Variants in FGD4 observed in about 807,000 individuals in gnomAD.
FGD4 encodes the protein FYVE, RhoGEF and PH domain containing 4.
A neutral mutation model predicts 102.0 loss-of-function variants in FGD4; 42 were observed. The ratio of observed to expected loss-of-function variants is 0.41; its 90% CI spans 0.32 to 0.53. The LOEUF (loss-of-function observed/expected upper bound fraction) is 0.53, where lower values mean the gene tolerates loss of function less well. Among genes scored for constraint, FGD4 ranks in the 20% least tolerant of loss-of-function variants. FGD4 has a pLI of 0.21. For synonymous variants in FGD4, 380 were observed against 375.7 expected (o/e 1.01, Z -0.13); for missense variants, 902 against 1,078.2 (o/e 0.84, Z 2.29).
intron 1 of FGD4, among the ~76,000 whole-genome samples, chr12:32,525,792 A>G (rs374104297): frequency 0.022 from 3,416 of 152,334 alleles, 74 homozygotes; most frequent in South Asian, 0.074. Flanking sequence ...TGCTGGCCCC[A>G]GGCAATGGGG....
chr12:32,445,878 T>C (rs946665544), intron 1 of FGD4, among the ~76,000 whole-genome samples: 35 of 152,314 alleles, frequency 2.3e-4, no homozygotes, highest in African/African-American at 8.4e-4. Flanking sequence ...TTAAAAATGT[T>C]ACTTTGGACT....
In FGD4 at chr12:32,399,595, C is replaced by T; in HGVS notation, c.-199C>T. On this transcript the variant is annotated 5_prime_UTR_variant, in exon 1 of 17. Coordinates refer to ENST00000534526, the MANE Select transcript of FGD4 (RefSeq NM_001370298.3). ...ACGCTGCGACTGCCGCAGGAGTCGC[C>T]GCAGCCAAACTCGCCGCGACGCCGG... 3.7e-6 allele frequency: 5 copies of T among 1,340,366 alleles called. No homozygotes were observed. The South Asian group carries it at 7.9e-5, about 21-fold the overall frequency. 83.0% of individuals were successfully genotyped at this position (1,340,366 alleles called of 1,614,324 possible). A position where few individuals can be genotyped will look rare whatever the true frequency, so the allele number is the denominator to read the frequency against.
At chr12:32,449,998 T>A (rs2136471247) in intron 1 of FGD4, among the ~76,000 whole-genome samples, 1 of 152,278 alleles carries the variant, frequency 6.6e-6, no homozygotes. Flanking sequence ...AATGGTGCGA[T>A]CTCAGCTCAC....
chr12:32,574,619 GTT>G (rs1319949894), intron 2 of FGD4: 4 of 152,082 alleles, frequency 2.6e-5, no homozygotes, highest in Non-Finnish European at 4.4e-5. Flanking sequence ...TTTTCTTATT[GTT>G]TGTATTGAAA....
intron 7 of FGD4, among the ~76,000 whole-genome samples, chr12:32,606,182 A>G (rs911355025): frequency 5.9e-5 from 9 of 152,314 alleles, no homozygotes; most frequent in African/African-American, 1.9e-4. Context: ...ATTTAAATTT[A>G]TATAATTAAT....
At chr12:32,526,037 G>C (rs146673804) in intron 1 of FGD4, among the ~76,000 whole-genome samples, 16,324 of 152,306 alleles carry the variant, frequency 0.11, 1,112 homozygotes, top group Admixed American at 0.15. Context: ...CATCGACCAC[G>C]CAAGGGCTGA....
intron 1 of FGD4, among the ~76,000 whole-genome samples, chr12:32,530,434 G>T (rs1369773303): frequency 2.0e-5 from 3 of 152,172 alleles, no homozygotes; most frequent in African/African-American, 7.2e-5. Flanking sequence ...AGTGAGCTGA[G>T]ATCGCACCAC....
At position 32,516,013 on chromosome 12, in the gene FGD4, A is replaced by G. The variant is rs533038145; in HGVS notation, c.167-48124A>G. Among the ~76,000 whole-genome samples the G allele has an allele frequency of 5.9e-5, 9 of 152,366 alleles. No homozygotes were observed. The East Asian group carries it at 1.7e-3, about 29-fold the overall frequency. On this transcript the variant is annotated intron_variant, in intron 1 of 16. Coordinates refer to ENST00000534526, the MANE Select transcript of FGD4 (RefSeq NM_001370298.3). ...CAGTAACTTGATTTTAATAAATAACAAACTGTTAATCCCAAATTAGTGCAT... is the reference window on the plus strand; with the variant it reads ...CAGTAACTTGATTTTAATAAATAACGAACTGTTAATCCCAAATTAGTGCAT...
intron 10 of FGD4, among the ~76,000 whole-genome samples, chr12:32,612,530 A>G (rs1949207984): frequency 6.6e-6 from 1 of 152,238 alleles, no homozygotes; most frequent in Non-Finnish European, 1.5e-5. Flanking sequence ...TTACTTCAGT[A>G]GCACATACTG....
intron 1 of FGD4, among the ~76,000 whole-genome samples, chr12:32,420,668 G>C (rs1941594468): frequency 6.6e-6 from 1 of 152,028 alleles, no homozygotes; most frequent in African/African-American, 2.4e-5. Flanking sequence ...AGCTTTCCCT[G>C]ACTAGAAAAA....
Position 32,640,813 on chromosome 12 carries a change from TTC to T in FGD4, c.*282_*283del. 1.7e-6 allele frequency: 1 copy of T among 595,982 alleles called. No homozygotes were observed. 36.9% of individuals were successfully genotyped at this position (595,982 alleles called of 1,614,324 possible). A position where few individuals can be genotyped will look rare whatever the true frequency, so the allele number is the denominator to read the frequency against. ...CTTGAAGAAATGGTGTATCAATTGA[TTC>T]TGTCACCGTCAGGTTAGAATGAGCA... On this transcript the variant is annotated 3_prime_UTR_variant, in exon 17 of 17. Coordinates refer to ENST00000534526, the MANE Select transcript of FGD4 (RefSeq NM_001370298.3).
chr12:32,617,158 C>A (rs1949503427), intron 10 of FGD4, among the ~76,000 whole-genome samples: 1 of 152,222 alleles, frequency 6.6e-6, no homozygotes, highest in Non-Finnish European at 1.5e-5. Flanking sequence ...CCAACACACG[C>A]TTTTTACACA....
Position 32,499,377 on chromosome 12 carries a change from T to C in FGD4, c.167-64760T>C, listed in dbSNP as rs577106536. On this transcript the variant is annotated intron_variant, in intron 1 of 16. Coordinates refer to ENST00000534526, the MANE Select transcript of FGD4 (RefSeq NM_001370298.3). ...TATAATGAAGACAATATCAGAACAC[T>C]TGGAGGTGAACTTGGAGCTCCAGAG... 5.3e-5 allele frequency among the ~76,000 whole-genome samples: 8 copies of C among 152,298 alleles called. No homozygotes were observed. In the South Asian group the frequency reaches 1.7e-3, roughly 32 times the overall value.
chr12:32,526,099 G>C (rs577424135), intron 1 of FGD4, among the ~76,000 whole-genome samples: 1 of 152,358 alleles, frequency 6.6e-6, no homozygotes, highest in East Asian at 1.9e-4. Context: ...CTGCAGCCCC[G>C]GTGCGGGATC....
At chr12:32,411,190 A>G (rs900060784) in intron 1 of FGD4, among the ~76,000 whole-genome samples, 1 of 151,300 alleles carries the variant, frequency 6.6e-6, no homozygotes, top group Non-Finnish European at 1.5e-5. Context: ...CAGCCTCCCA[A>G]AGTGCTAGGA....
intron 1 of FGD4, among the ~76,000 whole-genome samples, chr12:32,480,781 G>A (rs960020396): frequency 3.4e-5 from 5 of 148,348 alleles, no homozygotes; most frequent in Non-Finnish European, 5.9e-5. Context: ...TTACAGGCGT[G>A]AGCCACCACG....
At chr12:32,607,087 T>C (rs141885761) in intron 7 of FGD4, among the ~76,000 whole-genome samples, 44 of 152,346 alleles carry the variant, frequency 2.9e-4, no homozygotes, top group African/African-American at 9.9e-4. Flanking sequence ...GGCACATCTT[T>C]TGAAAAATCT....
intron 1 of FGD4, among the ~76,000 whole-genome samples, chr12:32,441,066 G>A (rs1942420992): frequency 6.6e-6 from 1 of 152,166 alleles, no homozygotes; most frequent in Non-Finnish European, 1.5e-5. Context: ...TCTGGCCTGG[G>A]CAGGTCCAGA....
intron 14 of FGD4, among the ~76,000 whole-genome samples, chr12:32,628,778 C>A (rs150894216): frequency 4.2e-4 from 64 of 151,820 alleles, no homozygotes; most frequent in African/African-American, 1.5e-3. Context: ...AGAGCAAGAC[C>A]GTCTAAAAAA....
Sources: gnomAD v4.1 joint callset for allele counts (sites outside exome capture counted in the v4.1 genomes callset) on GRCh38, gnomAD v4.1.1 for gene constraint, MANE v1.5 for transcripts, NCBI Gene and HGNC (gene_info 2026-07-23, HGNC 2026-07-21) for gene names.